Variants in COA1 observed in about 807,000 individuals in gnomAD.
COA1 encodes cytochrome c oxidase assembly factor 1.
Under a neutral mutation model 16.0 loss-of-function variants are expected in COA1, and 13 were observed. That is an observed-to-expected ratio of 0.81 (90% confidence interval 0.53 to 1.29). The LOEUF is 1.29. Ranked by LOEUF, COA1 falls within the 50% of genes most tolerant of loss-of-function variation. The pLI is 0.00. For missense variants in COA1, 179 were observed against 177.0 expected (o/e 1.01, Z -0.06); for synonymous variants, 65 against 65.7 (o/e 0.99, Z 0.05).
At chr7:43,676,897 C>T (rs1168577809) in intron 1 of COA1, among the ~76,000 whole-genome samples, 1 of 151,362 alleles carries the variant, frequency 6.6e-6, no homozygotes, top group Non-Finnish European at 1.5e-5. Context: ...GAATTTATCA[C>T]TAAGAATTGT....
chr7:43,674,263 A>C (rs538711267), intron 1 of COA1, among the ~76,000 whole-genome samples: 1 of 152,336 alleles, frequency 6.6e-6, no homozygotes, highest in South Asian at 2.1e-4. Flanking sequence ...TAAACCTTCA[A>C]CACATATAAA....
chr7:43,725,286 G>A (rs2095593258), intron 1 of COA1, among the ~76,000 whole-genome samples: 1 of 151,942 alleles, frequency 6.6e-6, no homozygotes. Flanking sequence ...ATAGATGGTG[G>A]TTATGGTTAC....
intron 6 of COA1, among the ~76,000 whole-genome samples, chr7:43,620,382 A>G (rs560388310): frequency 1.3e-5 from 2 of 152,324 alleles, no homozygotes; most frequent in African/African-American, 4.8e-5. Context: ...AGATTAGATT[A>G]TTAATATTTA....
chr7:43,620,463 C>T (rs1218174019), intron 6 of COA1, among the ~76,000 whole-genome samples: 1 of 152,032 alleles, frequency 6.6e-6, no homozygotes, highest in Non-Finnish European at 1.5e-5. Flanking sequence ...TCACTTGAGG[C>T]CAGGAATCTG....
chr7:43,713,051 C>G lies in COA1; in HGVS notation c.-39+16378G>C, dbSNP rs921866695. Among the ~76,000 whole-genome samples the G allele has an allele frequency of 2.0e-5, 3 of 152,182 alleles. No individual in the cohort carries two copies. In the South Asian group the frequency reaches 6.2e-4, roughly 32 times the overall value. ...TCACTGCAAACTTTGCCTCCTGGCT[C>G]AAGCAATTCTCCTGCCTCAGCCTCC... On this transcript the variant is annotated intron_variant, in intron 1 of 5. Coordinates refer to ENST00000223336, the MANE Select transcript of COA1 (RefSeq NM_018224.4).
At chr7:43,723,689 G>C (rs1484266276) in intron 1 of COA1, among the ~76,000 whole-genome samples, 3 of 152,154 alleles carry the variant, frequency 2.0e-5, no homozygotes, top group African/African-American at 7.2e-5. Context: ...CACTTTGGGA[G>C]GCTGAGGTGG....
At chr7:43,693,928 C>T (rs1461607080) in intron 1 of COA1, among the ~76,000 whole-genome samples, 1 of 151,924 alleles carries the variant, frequency 6.6e-6, no homozygotes, top group Non-Finnish European at 1.5e-5. Context: ...ATTTTAGTCT[C>T]CTGGTTGACT....
chr7:43,647,037 A>T (rs2089520083), intron 3 of COA1: 1 of 169,256 alleles, frequency 5.9e-6, no homozygotes, highest in Non-Finnish European at 1.3e-5. Flanking sequence ...TGGAAGCGGC[A>T]TCTGTCGGGA....
chr7:43,688,086 G>A (rs545202306), intron 1 of COA1, among the ~76,000 whole-genome samples: 151 of 152,192 alleles, frequency 9.9e-4, no homozygotes, highest in Non-Finnish European at 1.9e-3. Flanking sequence ...TTCACCTCCC[G>A]CCATGATTCT....
intron 4 of COA1, among the ~76,000 whole-genome samples, chr7:43,642,814 C>T (rs910471565): frequency 6.6e-6 from 1 of 152,140 alleles, no homozygotes; most frequent in Non-Finnish European, 1.5e-5. Flanking sequence ...GGAAAAAATC[C>T]CAATGTATGA....
At chr7:43,621,873 CT>C (rs11338264) in intron 6 of COA1, among the ~76,000 whole-genome samples, 85,273 of 151,976 alleles carry the variant, frequency 0.56, 25,694 homozygotes, top group African/African-American at 0.8. Context: ...CGTGACTCAC[CT>C]TTTAAAAGGT....
chr7:43,677,045 A>T (rs1321157865), intron 1 of COA1, among the ~76,000 whole-genome samples: 1 of 152,186 alleles, frequency 6.6e-6, no homozygotes, highest in Non-Finnish European at 1.5e-5. Flanking sequence ...CATCCTTTGT[A>T]CGATGCCTAA....
chr7:43,721,431 T>C (rs952286304), intron 1 of COA1, among the ~76,000 whole-genome samples: 2 of 152,162 alleles, frequency 1.3e-5, no homozygotes, highest in Admixed American at 1.3e-4. Flanking sequence ...ACTAGCCAAA[T>C]GTTTTTATTC....
intron 1 of COA1, among the ~76,000 whole-genome samples, chr7:43,671,422 A>G (rs1177327769): frequency 6.6e-6 from 1 of 152,216 alleles, no homozygotes; most frequent in Non-Finnish European, 1.5e-5. Context: ...TGTTAACTCA[A>G]TAATTAAAAG....
chr7:43,623,922 T>A, intron 6 of COA1: 1 of 1,322,814 alleles, frequency 7.6e-7, no homozygotes, highest in Non-Finnish European at 9.7e-7. Context: ...AATATTGAAC[T>A]AATTCAATAT....
intron 2 of COA1, 173 bp from the exon 3 acceptor site, chr7:43,647,807 T>C: frequency 1.7e-6 from 1 of 605,856 alleles, no homozygotes; most frequent in Non-Finnish European, 2.9e-6. Flanking sequence ...GAAGCCAAAC[T>C]GAGTGCCCTC....
chr7:43,673,875 A>T (rs1361584967), intron 1 of COA1, among the ~76,000 whole-genome samples: 2 of 152,180 alleles, frequency 1.3e-5, no homozygotes, highest in African/African-American at 4.8e-5. Context: ...CCATTATCCT[A>T]AGTGAATTAA....
intron 1 of COA1, among the ~76,000 whole-genome samples, chr7:43,698,967 G>T (rs1400412123): frequency 1.3e-5 from 2 of 152,040 alleles, no homozygotes; most frequent in South Asian, 4.1e-4. Flanking sequence ...TCTTATATTA[G>T]CATAAATATT....
intron 6 of COA1, among the ~76,000 whole-genome samples, chr7:43,621,428 CAA>C (rs1316097259): frequency 6.6e-6 from 1 of 152,154 alleles, no homozygotes; most frequent in African/African-American, 2.4e-5. Context: ...GCTGAAAAAT[CAA>C]AATAGTAATT....
Sources: gnomAD v4.1 joint callset for allele counts (sites outside exome capture counted in the v4.1 genomes callset) on GRCh38, gnomAD v4.1.1 for gene constraint, MANE v1.5 for transcripts, NCBI Gene and HGNC (gene_info 2026-07-23, HGNC 2026-07-21) for gene names.